The following RPS6KA2 variants were observed in gnomAD, a reference collection of about 807,000 sequenced individuals.
RPS6KA2 encodes the protein ribosomal protein S6 kinase A2, also known as ribosomal protein S6 kinase alpha-2.
A neutral mutation model predicts 91.8 loss-of-function variants in RPS6KA2; 42 were observed. The ratio of observed to expected loss-of-function variants is 0.46; its 90% CI spans 0.36 to 0.59. The LOEUF is 0.59. Among genes scored for constraint, RPS6KA2 ranks in the 20% least tolerant of loss-of-function variants. The probability of loss-of-function intolerance (pLI) is 0.00; values close to 1 mark genes in which losing one functional copy is unlikely to be tolerated. For missense variants in RPS6KA2, 798 were observed against 978.5 expected, an observed-to-expected ratio of 0.82 and a Z score of 2.46; for synonymous variants, 414 against 393.6, an observed-to-expected ratio of 1.05 and a Z score of -0.61.
rs1360682412 is a variant in RPS6KA2, at chr6:166,508,494, AG to A, written c.380-213del. On this transcript the variant is annotated intron_variant, in intron 4 of 20. Transcript: ENST00000265678. The surrounding 1 kb of genome is among the most constrained non-coding windows in gnomAD (Gnocchi z 4.3). ...GCGCTGCCCCTCTCTCACTGTCGTTAGGGGGCCTTGAGATTTCTTTCATCTT... is the reference window on the plus strand; with the variant it reads ...GCGCTGCCCCTCTCTCACTGTCGTTAGGGGCCTTGAGATTTCTTTCATCTT... Among the ~76,000 whole-genome samples the A allele has an allele frequency of 5.9e-5, 9 of 152,206 alleles. No homozygotes were observed. The highest frequency in any genetic ancestry group is 2.1e-4 in the South Asian group (1 of 4,818).
chr6:166,558,018 G>C (rs574110311), intron 1 of RPS6KA2, among the ~76,000 whole-genome samples: 1 of 151,948 alleles, frequency 6.6e-6, no homozygotes, highest in Non-Finnish European at 1.5e-5. Flanking sequence ...ATATAGGTGT[G>C]TATGTATGTG....
intron 2 of RPS6KA2, among the ~76,000 whole-genome samples, chr6:166,761,779 C>T (rs146610832): frequency 1.5e-3 from 230 of 152,316 alleles, no homozygotes; most frequent in African/African-American, 5.2e-3. Context: ...TCCTAGGCCC[C>T]GGGGAGATAG....
intron 1 of RPS6KA2, among the ~76,000 whole-genome samples, chr6:166,547,630 G>A (rs994793419): frequency 6.6e-6 from 1 of 152,254 alleles, no homozygotes; most frequent in African/African-American, 2.4e-5. Flanking sequence ...GCAGAGTGAT[G>A]GCGGCAGCCG....
intron 2 of RPS6KA2, among the ~76,000 whole-genome samples, chr6:166,654,982 T>A (rs1026942993): frequency 6.6e-6 from 1 of 152,160 alleles, no homozygotes; most frequent in African/African-American, 2.4e-5. Flanking sequence ...CAGGTGTCCA[T>A]TTTCAAGGCT....
At chr6:166,595,928 C>T (rs917445897) in intron 1 of RPS6KA2, among the ~76,000 whole-genome samples, 1 of 152,190 alleles carries the variant, frequency 6.6e-6, no homozygotes, top group African/African-American at 2.4e-5. Context: ...AAGAGAATGG[C>T]TTTTAGAACT....
At chr6:166,736,698 G>A (rs79487793) in intron 2 of RPS6KA2, among the ~76,000 whole-genome samples, 1 of 151,974 alleles carries the variant, frequency 6.6e-6, no homozygotes, top group Non-Finnish European at 1.5e-5. Context: ...GAGGCTGGCC[G>A]AGGGTCGCCA....
chr6:166,512,997 C>T (rs1782522449), intron 3 of RPS6KA2, among the ~76,000 whole-genome samples: 1 of 152,130 alleles, frequency 6.6e-6, no homozygotes, highest in African/African-American at 2.4e-5. Flanking sequence ...CAGGGGTGTC[C>T]AATCTTTTGA....
chr6:166,418,264 A>G lies in RPS6KA2; in HGVS notation c.1899T>C (p.Leu633=). The change falls in exon 19 of 21, where the codon CTT becomes CTC. Residue 633 remains leucine, a synonymous_variant. Transcript: ENST00000265678. The surrounding 1 kb of genome is among the most constrained non-coding windows in gnomAD (Gnocchi z 4.9). The part of the protein sequence containing the change: ...LARIGSGKYA[L]SGGNWDSISD... ...ATATCGAGTCCCAGTTTCCCCCAGA[A>G]AGGGCATACTTCCCACTGCCGATCC... 1.2e-6 allele frequency: 2 copies of G among 1,613,922 alleles called. No homozygotes were observed. The highest frequency in any genetic ancestry group is 1.7e-6 in the Non-Finnish European group (2 of 1,179,884).
chr6:166,598,486 T>C (rs1046739230), intron 1 of RPS6KA2, among the ~76,000 whole-genome samples: 1 of 152,160 alleles, frequency 6.6e-6, no homozygotes, highest in Middle Eastern at 3.2e-3. Flanking sequence ...AAAGCCACAT[T>C]TGGAGCTAAT....
chr6:166,568,703 C>T (rs967207488), intron 1 of RPS6KA2, among the ~76,000 whole-genome samples: 2 of 126,984 alleles, frequency 1.6e-5, no homozygotes, highest in Non-Finnish European at 3.3e-5. Flanking sequence ...GGCTGAAACA[C>T]ATAAGACTTC....
chr6:166,483,436 C>A (rs1348687863), intron 10 of RPS6KA2, among the ~76,000 whole-genome samples: 2 of 152,182 alleles, frequency 1.3e-5, no homozygotes, highest in African/African-American at 4.8e-5. Flanking sequence ...AGAGAATCCA[C>A]CGCTTCTAGC....
intron 2 of RPS6KA2, among the ~76,000 whole-genome samples, chr6:166,836,103 T>C (rs1365129227): frequency 6.6e-6 from 1 of 152,162 alleles, no homozygotes; most frequent in Non-Finnish European, 1.5e-5. Flanking sequence ...ATTCTTTTTG[T>C]ATGTTGCTGG....
intron 2 of RPS6KA2, among the ~76,000 whole-genome samples, chr6:166,745,472 A>G (rs1019703403): frequency 6.6e-6 from 1 of 152,126 alleles, no homozygotes; most frequent in Non-Finnish European, 1.5e-5. Flanking sequence ...CTTATCATAA[A>G]GACACCAGTC....
At chr6:166,636,097 G>T (rs553450965) in intron 2 of RPS6KA2, among the ~76,000 whole-genome samples, 1 of 152,118 alleles carries the variant, frequency 6.6e-6, no homozygotes, top group Non-Finnish European at 1.5e-5. Context: ...AAGACCCTGG[G>T]TCTCACCACC....
chr6:166,535,387 C>T lies in RPS6KA2; in HGVS notation c.216+3281G>A, dbSNP rs190339684. ...ACTTCCAGGGACTTTTGAGTAACAGCCACCCCCAAAAGGAAGACATTTAAA... is the reference window on the plus strand; with the variant it reads ...ACTTCCAGGGACTTTTGAGTAACAGTCACCCCCAAAAGGAAGACATTTAAA... On this transcript the variant is annotated intron_variant, in intron 2 of 20. Transcript: ENST00000265678. 1.1e-3 allele frequency among the ~76,000 whole-genome samples: 160 copies of T among 152,276 alleles called. 1 individual carries two copies. Among genetic ancestry groups the T allele is most frequent in the African/African-American group, 3.6e-3 (151 of 41,556 alleles).
intron 12 of RPS6KA2, among the ~76,000 whole-genome samples, chr6:166,456,381 T>G (rs1164650448): frequency 6.6e-6 from 1 of 152,160 alleles, no homozygotes; most frequent in Admixed American, 6.5e-5. Flanking sequence ...AAGAGCAAAA[T>G]TGTGAGTCAG....
intron 2 of RPS6KA2, among the ~76,000 whole-genome samples, chr6:166,779,845 G>A (rs187063143): frequency 6.6e-6 from 1 of 152,134 alleles, no homozygotes; most frequent in African/African-American, 2.4e-5. Context: ...CGTTGCCGAC[G>A]GCTGCTGGAA....
intron 1 of RPS6KA2, among the ~76,000 whole-genome samples, chr6:166,594,463 C>CT (rs571393560): frequency 2.4e-4 from 36 of 150,010 alleles, no homozygotes; most frequent in African/African-American, 6.8e-4. Context: ...AACACATTTT[C>CT]TTTTTTTTTT....
chr6:166,846,888 G>T (rs1011274111), intron 2 of RPS6KA2, among the ~76,000 whole-genome samples: 1 of 151,988 alleles, frequency 6.6e-6, no homozygotes, highest in African/African-American at 2.4e-5. Context: ...AGAAATCAAG[G>T]GCATCCAAAT....
Sources: gnomAD v4.1 joint callset for allele counts (sites outside exome capture counted in the v4.1 genomes callset) on GRCh38, gnomAD v4.1.1 for gene constraint, Gnocchi (gnomAD v3.1) non-coding constraint, MANE v1.5 for transcripts, NCBI Gene and HGNC (gene_info 2026-07-23, HGNC 2026-07-21) for gene names.